NPIPB2: variants seen among roughly 807,000 people sequenced by gnomAD.
The protein encoded by NPIPB2 is nuclear pore complex interacting protein family member B2, also known as nuclear pore complex-interacting protein family member B2.
NPIPB2 carries 27 observed loss-of-function variants against 30.8 expected under a neutral mutation model. The ratio of observed to expected loss-of-function variants is 0.88; its 90% CI spans 0.65 to 1.21. The LOEUF is 1.21. NPIPB2 is among the 50% of genes most tolerant of loss of function. The probability of loss-of-function intolerance (pLI) is 0.00; values close to 1 mark genes in which losing one functional copy is unlikely to be tolerated. For synonymous variants in NPIPB2, 147 were observed against 162.0 expected (o/e 0.91, Z 0.70); for missense variants, 440 against 446.2 (o/e 0.99, Z 0.13).
chr16:11,951,666 A>ACACACACACACACACCCC lies in NPIPB2; in HGVS notation c.-583-9553_-583-9552insGGGGTGTGTGTGTGTGTG, dbSNP rs1226047972. On this transcript the variant is annotated intron_variant, in intron 1 of 5. Coordinates refer to the NPIPB2 transcript ENST00000538896. Reference sequence around the variant, plus strand: ...CACACACACACACACACACACACACACCCAGCCCCCAAACAACAAAATTCA... The same window carrying ACACACACACACACACCCC: ...CACACACACACACACACACACACACACACACACACACACACCCCCCCAGCCCCCAAACAACAAAATTCA... 1.4e-3 allele frequency among the ~76,000 whole-genome samples: 198 copies of ACACACACACACACACCCC among 138,924 alleles called. 1 individual carries two copies. The highest frequency in any genetic ancestry group is 5.0e-3 in the East Asian group (21 of 4,212). 91.1% of individuals were successfully genotyped at this position (138,924 alleles called of 152,430 possible). A position where few individuals can be genotyped will look rare whatever the true frequency, so the allele number is the denominator to read the frequency against.
At chr16:11,927,763 T>A (rs750737234) in exon 8 of NPIPB2, 6 of 1,594,396 alleles carry the variant, frequency 3.8e-6, no homozygotes, top group Non-Finnish European at 5.1e-6. Flanking sequence ...TTATAGAATG[T>A]TGTTGAGTTG....
chr16:11,952,175 C>CAA (rs112970450), intron 1 of NPIPB2, among the ~76,000 whole-genome samples: 9,284 of 128,726 alleles, frequency 0.072, 407 homozygotes, highest in Non-Finnish European at 0.085. Context: ...AAAAACAAAA[C>CAA]AAAAAAAAAA....
At chr16:11,950,853 G>A (rs1596500330) in intron 1 of NPIPB2, among the ~76,000 whole-genome samples, 1 of 151,954 alleles carries the variant, frequency 6.6e-6, no homozygotes, top group South Asian at 2.1e-4. Flanking sequence ...TTATTTCTCT[G>A]TATGTTCTCA....
chr16:11,965,561 A>C (rs1013157910), intron 1 of NPIPB2: 29 of 1,183,260 alleles, frequency 2.5e-5, no homozygotes, highest in Middle Eastern at 2.6e-4. Flanking sequence ...AGTTTTCTTG[A>C]ATCAAAAAGA....
At chr16:11,966,333 A>G (rs1374525590) in intron 1 of NPIPB2, 2 of 1,611,832 alleles carry the variant, frequency 1.2e-6, no homozygotes, top group Admixed American at 1.7e-5. Context: ...GACGAGTTTA[A>G]AAACACAGGT....
intron 1 of NPIPB2, chr16:11,967,738 T>A (rs151074854): frequency 6.2e-7 from 1 of 1,614,112 alleles, no homozygotes; most frequent in African/African-American, 1.3e-5. Flanking sequence ...CTCCCAGCTA[T>A]GGAGGAAGGC....
chr16:11,965,525 GA>G, intron 1 of NPIPB2: 1 of 1,483,154 alleles, frequency 6.7e-7, no homozygotes. Flanking sequence ...CTTATTCAGA[GA>G]ATCAACATAA....
rs1205186064 is a variant in NPIPB2, at chr16:11,940,758, T to TAA, written c.63+1223_63+1224dup. Among the ~76,000 whole-genome samples the TAA allele has an allele frequency of 1.2e-3, 58 of 47,148 alleles. 1 individual carries two copies. The highest frequency in any genetic ancestry group is 3.5e-3 in the East Asian group (4 of 1,128). The allele number at this position is 47,148 out of a possible 152,430, so 30.9% of individuals were successfully genotyped here. A position where few individuals can be genotyped will look rare whatever the true frequency, so the allele number is the denominator to read the frequency against. ...CTGGGCGACAGAGTGAGACTCTGTCTAAAAAAAAAAAAAAAAAAAAAAAAA... is the reference window on the plus strand; with the variant it reads ...CTGGGCGACAGAGTGAGACTCTGTCTAAAAAAAAAAAAAAAAAAAAAAAAAAA... On this transcript the variant is annotated intron_variant, in intron 1 of 7. Coordinates refer to ENST00000399147, the Ensembl canonical transcript of NPIPB2.
At chr16:11,972,073 G>A (rs995651006) in intron 1 of NPIPB2, among the ~76,000 whole-genome samples, 2 of 152,014 alleles carry the variant, frequency 1.3e-5, no homozygotes, top group Non-Finnish European at 2.9e-5. Flanking sequence ...TTGAACCTGG[G>A]AGACAGAGGT....
Position 11,965,475 on chromosome 16 carries a change from G to A in NPIPB2, c.-584+11093C>T, listed in dbSNP as rs11570140. 4.0e-4 allele frequency: 649 copies of A among 1,612,474 alleles called. 4 individuals carry two copies. In the East Asian group the frequency reaches 8.5e-3, roughly 21 times the overall value. ...TGCAAGTAAGTAATATTGCTTGAAC[G>A]ATTATTCATTGGTGTGAACTATTCT... On this transcript the variant is annotated intron_variant, in intron 1 of 5. Transcript: ENST00000538896.
intron 1 of NPIPB2, among the ~76,000 whole-genome samples, chr16:11,949,309 G>GT (rs2055042763): frequency 6.6e-6 from 1 of 152,140 alleles, no homozygotes; most frequent in Admixed American, 6.6e-5. Flanking sequence ...TGCAAAATAG[G>GT]TATCATCATC....
chr16:11,955,063 C>G (rs1183392254), intron 1 of NPIPB2, among the ~76,000 whole-genome samples: 1 of 151,964 alleles, frequency 6.6e-6, no homozygotes, highest in Non-Finnish European at 1.5e-5. Context: ...TTGAAGTAAT[C>G]CATTTCATCT....
chr16:11,952,284 C>T (rs1393093360), intron 1 of NPIPB2, among the ~76,000 whole-genome samples: 1 of 151,472 alleles, frequency 6.6e-6, no homozygotes, highest in South Asian at 2.1e-4. Context: ...GGAGGTGGAG[C>T]TTGAAGTGAG....
chr16:11,954,554 T>A (rs1005865259), intron 1 of NPIPB2, among the ~76,000 whole-genome samples: 5 of 149,298 alleles, frequency 3.3e-5, no homozygotes, highest in African/African-American at 7.6e-5. Flanking sequence ...AGAAATAAAA[T>A]TTTTTTTAAG....
At chr16:11,933,306 C>A (rs1300139504) in intron 4 of NPIPB2, among the ~76,000 whole-genome samples, 1 of 150,556 alleles carries the variant, frequency 6.6e-6, no homozygotes, top group Non-Finnish European at 1.5e-5. Context: ...GTACTAGCAA[C>A]TCCTCTTCCC....
intron 1 of NPIPB2, among the ~76,000 whole-genome samples, chr16:11,960,637 C>A (rs1486214352): frequency 1.3e-5 from 2 of 151,586 alleles, no homozygotes; most frequent in African/African-American, 2.4e-5. Context: ...GGATTACAGG[C>A]ATGAGCCATG....
rs182925618 is a variant in NPIPB2, at chr16:11,958,220, G to T, written c.-583-16106C>A. On this transcript the variant is annotated intron_variant, in intron 1 of 5. Transcript: ENST00000538896. Reference sequence around the variant, plus strand: ...GCGGGCAGATCACCTGAGGTCAGGAGTTCAAGACTAGCCTGGCCAACATAG... The same window carrying T: ...GCGGGCAGATCACCTGAGGTCAGGATTTCAAGACTAGCCTGGCCAACATAG... Among the ~76,000 whole-genome samples, 22 of 152,034 alleles carry T rather than the reference G, an allele frequency of 1.4e-4. 1 individual carries two copies. The Middle Eastern group carries it at 0.01, about 71-fold the overall frequency.
At chr16:11,934,812 T>A (rs1596490691) in intron 2 of NPIPB2, among the ~76,000 whole-genome samples, 1 of 114,020 alleles carries the variant, frequency 8.8e-6, no homozygotes, top group Non-Finnish European at 1.8e-5. Context: ...TGAGCCAAGA[T>A]CCCACCACTG....
intron 1 of NPIPB2, among the ~76,000 whole-genome samples, chr16:11,941,513 G>A (rs1293877547): frequency 6.6e-6 from 1 of 151,544 alleles, no homozygotes; most frequent in Admixed American, 6.6e-5. Flanking sequence ...TCAAGCGCTG[G>A]TGGAAGGTTT....
Sources: gnomAD v4.1 joint callset for allele counts (sites outside exome capture counted in the v4.1 genomes callset) on GRCh38, gnomAD v4.1.1 for gene constraint, MANE v1.5 for transcripts, NCBI Gene and HGNC (gene_info 2026-07-23, HGNC 2026-07-21) for gene names.